SUSD1: variants seen among roughly 807,000 people sequenced by gnomAD.
SUSD1 encodes the protein sushi domain containing 1.
In SUSD1, 65 loss-of-function variants were observed where a neutral mutation model predicts 86.9. That is an observed-to-expected ratio of 0.75 (90% CI 0.61 to 0.92). The LOEUF (loss-of-function observed/expected upper bound fraction) is 0.92, where lower values mean the gene tolerates loss of function less well. Among genes scored for constraint, SUSD1 ranks in the 40% least tolerant of loss-of-function variants. The probability of loss-of-function intolerance (pLI) is 0.00; values close to 1 mark genes in which losing one functional copy is unlikely to be tolerated. For synonymous variants in SUSD1, 346 were observed against 350.0 expected (o/e 0.99, Z 0.13); for missense variants, 850 against 929.7 (o/e 0.91, Z 1.11).
chr9:112,065,298 G>A (rs539535438), intron 12 of SUSD1, among the ~76,000 whole-genome samples: 16 of 152,130 alleles, frequency 1.1e-4, no homozygotes, highest in Non-Finnish European at 2.2e-4. Context: ...AGAGGTGGGC[G>A]GATCACTTGA....
At chr9:112,047,473 C>T (rs1238964391) in intron 15 of SUSD1, among the ~76,000 whole-genome samples, 1 of 152,164 alleles carries the variant, frequency 6.6e-6, no homozygotes, top group Non-Finnish European at 1.5e-5. Context: ...GGAGAAGAAG[C>T]TGCTTCCAAG....
chr9:112,064,046 T>TTG lies in SUSD1; in HGVS notation c.1754-1014_1754-1013insCA, dbSNP rs1491139474. Among the ~76,000 whole-genome samples, 136 of 78,750 alleles carry TTG rather than the reference T, an allele frequency of 1.7e-3. 3 individuals carry two copies. The South Asian group carries it at 0.051, about 29-fold the overall frequency. The allele number at this position is 78,750 out of a possible 152,430, so 51.7% of individuals were successfully genotyped here. A position where few individuals can be genotyped will look rare whatever the true frequency, so the allele number is the denominator to read the frequency against. On this transcript the variant is annotated intron_variant, in intron 12 of 16. Transcript: ENST00000374270. ...ATTTTTTTATTTTTCTTTCTTTTTT[T>TTG]GGGGGGGGGGCGGGTGGGGGCTGCC...
At chr9:112,075,973 C>A (rs1055959427) in intron 12 of SUSD1, among the ~76,000 whole-genome samples, 9 of 152,006 alleles carry the variant, frequency 5.9e-5, no homozygotes, top group Non-Finnish European at 1.2e-4. Context: ...TGCAAGAAGG[C>A]CAGGGAGACA....
intron 6 of SUSD1, among the ~76,000 whole-genome samples, chr9:112,123,847 GT>G (rs369974007): frequency 6.6e-6 from 1 of 152,042 alleles, no homozygotes; most frequent in South Asian, 2.1e-4. Flanking sequence ...TAAATTGTAT[GT>G]TTTTTGTGTG....
intron 12 of SUSD1, among the ~76,000 whole-genome samples, chr9:112,070,722 CA>C (rs149334379): frequency 2.7e-5 from 4 of 149,388 alleles, no homozygotes; most frequent in African/African-American, 9.8e-5. Flanking sequence ...ATTTGCTCTG[CA>C]AAAAAAAATA....
At chr9:112,105,487 G>A (rs1000419581) in intron 8 of SUSD1, among the ~76,000 whole-genome samples, 6 of 152,172 alleles carry the variant, frequency 3.9e-5, no homozygotes, top group African/African-American at 1.4e-4. Flanking sequence ...GGGAGGCCAA[G>A]ACAGGTGGAT....
At chr9:112,051,436 T>C (rs561474444) in intron 15 of SUSD1, among the ~76,000 whole-genome samples, 1 of 138,432 alleles carries the variant, frequency 7.2e-6, no homozygotes, top group South Asian at 2.5e-4. Flanking sequence ...TTTTTTTTGT[T>C]GTTGTTGTTG....
At chr9:112,149,443 A>G (rs1832952056) in intron 2 of SUSD1, 44 bp from the exon 3 acceptor site, 1 of 1,599,746 alleles carries the variant, frequency 6.3e-7, no homozygotes, top group Non-Finnish European at 8.5e-7. Flanking sequence ...ATCAATCCAC[A>G]CCGACTTCAA....
At chr9:112,171,183 A>T (rs2131867391) in intron 1 of SUSD1, among the ~76,000 whole-genome samples, 1 of 152,260 alleles carries the variant, frequency 6.6e-6, no homozygotes. Flanking sequence ...CCCTCTCACC[A>T]ATCACATGGG....
rs942466766 is a variant in SUSD1, at chr9:112,119,604, A to T, written c.886+4653T>A. Among the ~76,000 whole-genome samples, 19 of 152,374 alleles carry T rather than the reference A, an allele frequency of 1.2e-4. No homozygotes were observed. The East Asian group carries it at 3.7e-3, about 29-fold the overall frequency. ...ATCATTAACTCAGATTCTAAACATG[A>T]AAAGCCAAATGGCCTGTGCAGAATG... On this transcript the variant is annotated intron_variant, in intron 6 of 16. Coordinates refer to ENST00000374270, the MANE Select transcript of SUSD1 (RefSeq NM_022486.5).
Position 112,111,692 on chromosome 9 carries a change from C to G in SUSD1, c.1133G>C (p.Arg378Thr), listed in dbSNP as rs1831103958. 1 of 1,614,128 alleles carries G rather than the reference C, an allele frequency of 6.2e-7. No individual in the cohort carries two copies. The highest frequency in any genetic ancestry group is 1.1e-5 in the South Asian group (1 of 91,076). The change falls in exon 8 of 17, where the codon AGG becomes ACG. Residue 378 changes from arginine to threonine, a missense_variant. Coordinates refer to ENST00000374270, the MANE Select transcript of SUSD1 (RefSeq NM_022486.5). ...ACCGATGACGGCTGGCATCGAGCGCCTGGGAGGTGCTGTGGAGATGTTCAC... is the reference window on the plus strand; with the variant it reads ...ACCGATGACGGCTGGCATCGAGCGCGTGGGAGGTGCTGTGGAGATGTTCAC... ...YTVNISTAPPRRSMPAVIGFQ... is the reference protein window; with the variant it reads ...YTVNISTAPPTRSMPAVIGFQ...
chr9:112,041,120 T>A lies in SUSD1; in HGVS notation c.*372A>T, dbSNP rs1248732662. The A allele has an allele frequency of 5.2e-6, 2 of 383,908 alleles. No homozygotes were observed. The highest frequency in any genetic ancestry group is 4.1e-5 in the East Asian group (1 of 24,636). 23.8% of individuals were successfully genotyped at this position (383,908 alleles called of 1,614,324 possible). ...CTTTTATATAGGAGGTTGCAGAGATTCTCTTGCAGTCAATGTCTAGAGGAG... is the reference window on the plus strand; with the variant it reads ...CTTTTATATAGGAGGTTGCAGAGATACTCTTGCAGTCAATGTCTAGAGGAG... On this transcript the variant is annotated 3_prime_UTR_variant, in exon 17 of 17. Coordinates refer to ENST00000374270, the MANE Select transcript of SUSD1 (RefSeq NM_022486.5).
At chr9:112,075,057 C>T (rs10116017) in intron 12 of SUSD1, among the ~76,000 whole-genome samples, 40,217 of 151,992 alleles carry the variant, frequency 0.26, 5,875 homozygotes, top group African/African-American at 0.39. Flanking sequence ...AAATATGCAA[C>T]GGTCCTTCAA....
intron 3 of SUSD1, among the ~76,000 whole-genome samples, chr9:112,144,766 C>T (rs1832736198): frequency 2.0e-5 from 3 of 151,810 alleles, no homozygotes; most frequent in Admixed American, 2.0e-4. Flanking sequence ...GAAAATGAGA[C>T]AGCCTTAAAA....
chr9:112,124,462 G>C (rs761317574), intron 5 of SUSD1, 26 bp from the exon 6 acceptor site: 1 of 1,587,716 alleles, frequency 6.3e-7, no homozygotes, highest in East Asian at 2.2e-5. Flanking sequence ...AGACAGCACT[G>C]GTTATAAGCC....
intron 8 of SUSD1, among the ~76,000 whole-genome samples, chr9:112,103,645 A>C (rs1199384217): frequency 6.6e-6 from 1 of 152,226 alleles, no homozygotes; most frequent in African/African-American, 2.4e-5. Context: ...CAAGCCTGAC[A>C]GAAGTGATGG....
chr9:112,089,435 T>C (rs1371444969), intron 10 of SUSD1, among the ~76,000 whole-genome samples: 1 of 152,214 alleles, frequency 6.6e-6, no homozygotes, highest in Non-Finnish European at 1.5e-5. Context: ...AGGACCACTT[T>C]TAATGCTAAA....
At chr9:112,105,318 G>A (rs967866080) in intron 8 of SUSD1, among the ~76,000 whole-genome samples, 18 of 151,932 alleles carry the variant, frequency 1.2e-4, no homozygotes, top group African/African-American at 2.4e-5. Context: ...CCACACAGGG[G>A]TATTTGAAGA....
rs533841149 is a variant in SUSD1 at position 112,143,961 on chromosome 9, C to T, written c.374-338G>A. ...TCCAATCACTAAAAAATATCCTGAC[C>T]GGGCATGGTGGCTCACACCTGTAAT... On this transcript the variant is annotated intron_variant, in intron 3 of 16. Coordinates refer to ENST00000374270, the MANE Select transcript of SUSD1 (RefSeq NM_022486.5). 5.3e-3 allele frequency among the ~76,000 whole-genome samples: 808 copies of T among 152,120 alleles called. 5 individuals are homozygous for T. The highest frequency in any genetic ancestry group is 0.015 in the African/African-American group (629 of 41,510).
Sources: allele counts gnomAD v4.1 joint callset (sites outside exome capture counted in the v4.1 genomes callset), GRCh38; gene constraint gnomAD v4.1.1; transcripts MANE v1.5; gene names NCBI Gene and HGNC (gene_info 2026-07-23, HGNC 2026-07-21).